Variants in CAST observed in about 807,000 individuals in gnomAD.
CAST encodes calpastatin.
A neutral mutation model predicts 119.6 loss-of-function variants in CAST; 76 were observed. The ratio of observed to expected loss-of-function variants is 0.64; its 90% confidence interval spans 0.53 to 0.77. CAST has a LOEUF of 0.77. Among genes scored for constraint, CAST ranks in the 30% least tolerant of loss-of-function variants. The pLI is 0.00. For missense variants in CAST, 953 were observed against 946.5 expected (o/e 1.01, Z -0.09); for synonymous variants, 319 against 331.6 (o/e 0.96, Z 0.41).
intron 1 of CAST, among the ~76,000 whole-genome samples, chr5:96,643,422 T>C (rs912061132): frequency 2.0e-5 from 3 of 152,042 alleles, no homozygotes; most frequent in African/African-American, 4.8e-5. Context: ...GATGTGAGGA[T>C]AGGAAGGTGA....
chr5:96,600,313 G>C (rs918201492), intron 1 of CAST, among the ~76,000 whole-genome samples: 2 of 152,164 alleles, frequency 1.3e-5, no homozygotes, highest in Admixed American at 6.5e-5. Flanking sequence ...TGTTTAATCA[G>C]ATTTCTTTGA....
chr5:96,295,093 G>A, the CAST span, among the ~76,000 whole-genome samples: 5 of 152,142 alleles, frequency 3.3e-5, no homozygotes, highest in African/African-American at 1.2e-4. Flanking sequence ...GAATACTGAA[G>A]CAAACAAACT....
chr5:96,505,822 C>T, the CAST span, among the ~76,000 whole-genome samples: 4 of 152,214 alleles, frequency 2.6e-5, no homozygotes, highest in Non-Finnish European at 5.9e-5. Context: ...GCTTCATCAA[C>T]AGGGCACCTT....
chr5:96,557,411 T>C (rs1416558594), intron 1 of CAST, among the ~76,000 whole-genome samples: 1 of 151,950 alleles, frequency 6.6e-6, no homozygotes, highest in Non-Finnish European at 1.5e-5. Flanking sequence ...AGACACAGAC[T>C]GGCAAATTGG....
chr5:96,116,864 A>C, the CAST span, among the ~76,000 whole-genome samples: 1 of 152,150 alleles, frequency 6.6e-6, no homozygotes, highest in Non-Finnish European at 1.5e-5. Context: ...GTTTGCAAAT[A>C]TTTTCTCAGA....
chr5:96,613,098 A>G (rs1374671928), intron 1 of CAST, among the ~76,000 whole-genome samples: 5 of 152,188 alleles, frequency 3.3e-5, no homozygotes, highest in Admixed American at 6.5e-5. Flanking sequence ...CTGAACTACT[A>G]TAGTTTTATA....
chr5:96,112,419 T>C, the CAST span, among the ~76,000 whole-genome samples: 2 of 152,186 alleles, frequency 1.3e-5, no homozygotes, highest in Non-Finnish European at 2.9e-5. Flanking sequence ...GAACCTATTA[T>C]ATTGTGATTG....
chr5:96,566,472 C>G (rs975466854), intron 1 of CAST, among the ~76,000 whole-genome samples: 1 of 152,204 alleles, frequency 6.6e-6, no homozygotes, highest in Non-Finnish European at 1.5e-5. Context: ...AAGTGGTTCT[C>G]TCCCTTCTTC....
intron 1 of CAST, among the ~76,000 whole-genome samples, chr5:96,666,040 CTT>C (rs1051625088): frequency 3.3e-5 from 5 of 152,074 alleles, no homozygotes; most frequent in African/African-American, 1.2e-4. Flanking sequence ...ATTAAAATAT[CTT>C]TGTGGAATCC....
intron 1 of CAST, among the ~76,000 whole-genome samples, chr5:96,630,499 C>T (rs1747801464): frequency 6.6e-6 from 1 of 152,036 alleles, no homozygotes; most frequent in Non-Finnish European, 1.5e-5. Flanking sequence ...TATCATACTC[C>T]CTTGAGGCCA....
chr5:96,693,164 T>C (rs1752919187), intron 2 of CAST, among the ~76,000 whole-genome samples: 1 of 152,254 alleles, frequency 6.6e-6, no homozygotes, highest in Non-Finnish European at 1.5e-5. Flanking sequence ...TCAGCTGAAC[T>C]ACATTGGTCC....
intron 3 of CAST, among the ~76,000 whole-genome samples, chr5:96,713,610 T>C (rs1756629127): frequency 6.6e-6 from 1 of 152,318 alleles, no homozygotes; most frequent in Non-Finnish European, 1.5e-5. Context: ...TGCCACAATG[T>C]AAAATAATGT....
intron 21 of CAST, 114 bp downstream of exon 21, chr5:96,754,275 T>C: frequency 4.1e-6 from 3 of 724,748 alleles, no homozygotes; most frequent in Non-Finnish European, 4.9e-6. Flanking sequence ...CATGACCAGC[T>C]GGCTTTTTCT....
chr5:96,380,106 T>C, the CAST span, among the ~76,000 whole-genome samples: 1 of 152,202 alleles, frequency 6.6e-6, no homozygotes, highest in East Asian at 1.9e-4. Context: ...AGTCCTGATA[T>C]CTTTTCAGGG....
chr5:96,254,596 G>A, the CAST span, among the ~76,000 whole-genome samples: 1 of 152,056 alleles, frequency 6.6e-6, no homozygotes, highest in Non-Finnish European at 1.5e-5. Context: ...ATATTCAGGA[G>A]TAATTTATTA....
chr5:96,168,685 G>C, the CAST span, among the ~76,000 whole-genome samples: 1 of 152,096 alleles, frequency 6.6e-6, no homozygotes, highest in African/African-American at 2.4e-5. Context: ...GGAAATATGG[G>C]GAAATGGGGT....
the CAST span, among the ~76,000 whole-genome samples, chr5:96,153,090 G>A: frequency 1.1e-4 from 16 of 152,170 alleles, no homozygotes; most frequent in Admixed American, 2.0e-4. Context: ...CAAATAAAAC[G>A]TGTGAAACAT....
intron 3 of CAST, among the ~76,000 whole-genome samples, chr5:96,718,867 A>G (rs974671525): frequency 1.3e-5 from 2 of 152,132 alleles, no homozygotes; most frequent in Non-Finnish European, 2.9e-5. Context: ...AAGGTCTGTC[A>G]TGAGGAGAAA....
intron 27 of CAST, among the ~76,000 whole-genome samples, chr5:96,766,404 C>A (rs1769985887): frequency 6.6e-6 from 1 of 152,044 alleles, no homozygotes; most frequent in South Asian, 2.1e-4. Context: ...TAAGAGTGAT[C>A]CAAGAAATGT....
Sources: allele counts gnomAD v4.1 joint callset (sites outside exome capture counted in the v4.1 genomes callset), GRCh38; gene constraint gnomAD v4.1.1; transcripts MANE v1.5; gene names NCBI Gene and HGNC (gene_info 2026-07-23, HGNC 2026-07-21).